Variants in CRACR2A observed in about 807,000 individuals in gnomAD.
CRACR2A encodes the protein calcium release activated channel regulator 2A.
CRACR2A carries 79 observed loss-of-function variants against 90.5 expected under a neutral mutation model. That is an observed-to-expected ratio of 0.87 (90% confidence interval 0.73 to 1.05). The LOEUF is 1.05. Ranked by LOEUF, CRACR2A falls within the 50% of genes least tolerant of loss-of-function variation. The pLI, the probability that CRACR2A is intolerant of heterozygous loss-of-function variation, is 0.00. For synonymous variants in CRACR2A, 338 were observed against 356.7 expected, an observed-to-expected ratio of 0.95 and a Z score of 0.59; for missense variants, 823 against 897.2, an observed-to-expected ratio of 0.92 and a Z score of 1.06.
At chr12:3,721,320 G>A (rs1946168251) in intron 2 of CRACR2A, among the ~76,000 whole-genome samples, 1 of 146,730 alleles carries the variant, frequency 6.8e-6, no homozygotes, top group South Asian at 2.1e-4. Context: ...GGTCGCTTGA[G>A]CCCAGGAATT....
intron 11 of CRACR2A, chr12:3,648,306 A>G: frequency 6.9e-7 from 1 of 1,440,856 alleles, no homozygotes; most frequent in Non-Finnish European, 9.1e-7. Flanking sequence ...GGAGTGGGGC[A>G]GAGCCTCCCC....
intron 1 of CRACR2A, among the ~76,000 whole-genome samples, chr12:3,741,403 A>C (rs1946523448): frequency 6.6e-6 from 1 of 152,262 alleles, no homozygotes; most frequent in South Asian, 2.1e-4. Flanking sequence ...TATTATAATG[A>C]TATAAGAAGC....
At chr12:3,671,546 C>T (rs575667381) in intron 7 of CRACR2A, among the ~76,000 whole-genome samples, 4 of 152,244 alleles carry the variant, frequency 2.6e-5, no homozygotes, top group Non-Finnish European at 5.9e-5. Flanking sequence ...AATGCAGATT[C>T]GGTGGGGCTG....
intron 17 of CRACR2A, among the ~76,000 whole-genome samples, chr12:3,622,357 T>C (rs1021140297): frequency 2.0e-5 from 3 of 152,236 alleles, no homozygotes; most frequent in African/African-American, 7.2e-5. Flanking sequence ...CATCTCTCCA[T>C]GTGACTCATC....
chr12:3,696,180 G>C (rs960075544), intron 4 of CRACR2A, among the ~76,000 whole-genome samples: 1 of 152,246 alleles, frequency 6.6e-6, no homozygotes, highest in Non-Finnish European at 1.5e-5. Context: ...AGTTGTGATA[G>C]AGACTGTAAG....
Position 3,644,636 on chromosome 12 carries a change from T to G in CRACR2A, c.1123A>C (p.Arg375=). 1 of 1,551,672 alleles carries G rather than the reference T, an allele frequency of 6.4e-7. No individual in the cohort carries two copies. Among genetic ancestry groups the G allele is most frequent in the Non-Finnish European group, 8.7e-7 (1 of 1,146,964 alleles). ...CGTTCATCCCGAAGGTGCTTGTTCC[T>G]TTCCCTGTGGATGGTAAAGGGGAAT... ...LLKQLDFLRE[R]NKHLRDERDI... is the part of the protein sequence containing the mutation. The change falls in exon 12 of 20, where the codon AGG becomes CGG. Residue 375 remains arginine, a synonymous_variant. Coordinates refer to ENST00000440314, the MANE Select transcript of CRACR2A (RefSeq NM_001144958.2).
intron 7 of CRACR2A, among the ~76,000 whole-genome samples, chr12:3,668,215 A>C (rs2137549009): frequency 6.6e-6 from 1 of 152,012 alleles, no homozygotes; most frequent in African/African-American, 2.4e-5. Context: ...CTCGCCGAGA[A>C]CTTCACCCTA....
intron 2 of CRACR2A, chr12:3,731,542 C>T (rs1421309821): frequency 6.6e-6 from 1 of 152,268 alleles, no homozygotes; most frequent in African/African-American, 2.4e-5. Flanking sequence ...CAGGCAGCAC[C>T]ATGGAACACC....
intron 16 of CRACR2A, 28 bp from the exon 17 acceptor site, chr12:3,627,578 A>C: frequency 6.4e-7 from 1 of 1,551,540 alleles, no homozygotes. Context: ...CGGGTCAGGC[A>C]TGCACGGCCT....
chr12:3,623,070 C>A (rs1346152236), intron 17 of CRACR2A, among the ~76,000 whole-genome samples: 1 of 152,168 alleles, frequency 6.6e-6, no homozygotes, highest in African/African-American at 2.4e-5. Flanking sequence ...GCAAGAAGGA[C>A]TGAAAAGTAA....
chr12:3,707,340 A>G (rs535552184), intron 3 of CRACR2A, among the ~76,000 whole-genome samples: 3 of 152,334 alleles, frequency 2.0e-5, no homozygotes, highest in Admixed American at 6.5e-5. Context: ...CTGGACAACT[A>G]TCATTAAACA....
chr12:3,704,802 C>T (rs780450189), intron 3 of CRACR2A, among the ~76,000 whole-genome samples: 6 of 152,152 alleles, frequency 3.9e-5, no homozygotes, highest in African/African-American at 7.2e-5. Flanking sequence ...GCTAAATAAA[C>T]CCTACAAATA....
intron 7 of CRACR2A, chr12:3,672,672 A>G (rs985088759): frequency 2.5e-6 from 2 of 796,132 alleles, no homozygotes; most frequent in African/African-American, 3.7e-5. Flanking sequence ...ATAACCATGC[A>G]TTAATTCTCA....
intron 17 of CRACR2A, among the ~76,000 whole-genome samples, chr12:3,624,108 CA>C (rs1399864864): frequency 1.3e-5 from 2 of 152,230 alleles, no homozygotes; most frequent in Non-Finnish European, 2.9e-5. Flanking sequence ...CTCCCCCGAG[CA>C]TCTGTTCCCA....
intron 3 of CRACR2A, among the ~76,000 whole-genome samples, chr12:3,708,287 G>A (rs1208443171): frequency 6.6e-6 from 1 of 152,180 alleles, no homozygotes; most frequent in Non-Finnish European, 1.5e-5. Flanking sequence ...ACAAACTCTA[G>A]TTGTGATTTA....
intron 4 of CRACR2A, among the ~76,000 whole-genome samples, chr12:3,693,214 A>AC: frequency 6.6e-6 from 1 of 152,350 alleles, no homozygotes; most frequent in East Asian, 1.9e-4. Context: ...GCAGGCTGGC[A>AC]CATGGCCTTA....
Position 3,665,082 on chromosome 12 carries a change from T to A in CRACR2A, c.672-5428A>T, listed in dbSNP as rs1387058140. Among the ~76,000 whole-genome samples the A allele has an allele frequency of 9.8e-5, 15 of 152,332 alleles. No individual in the cohort carries two copies. The South Asian group carries it at 2.7e-3, about 27-fold the overall frequency. ...TATTTAATTATTTCATTTTCTACCA[T>A]CTGACCCTAATCATTTTGAGTTATG... On this transcript the variant is annotated intron_variant, in intron 7 of 19. Transcript: ENST00000440314.
intron 4 of CRACR2A, among the ~76,000 whole-genome samples, chr12:3,686,781 C>G (rs892069143): frequency 2.0e-5 from 3 of 152,174 alleles, no homozygotes; most frequent in Non-Finnish European, 2.9e-5. Context: ...TCAAGAAGGA[C>G]AGTGTGACAC....
intron 7 of CRACR2A, among the ~76,000 whole-genome samples, chr12:3,667,456 G>A (rs928040440): frequency 2.6e-5 from 4 of 152,192 alleles, no homozygotes; most frequent in African/African-American, 9.7e-5. Context: ...CCAAAGAGAG[G>A]CAAGATTATG....
Sources: allele counts gnomAD v4.1 joint callset (sites outside exome capture counted in the v4.1 genomes callset), GRCh38; gene constraint gnomAD v4.1.1; transcripts MANE v1.5; gene names NCBI Gene and HGNC (gene_info 2026-07-23, HGNC 2026-07-21).